RNF213: variants seen among roughly 807,000 people sequenced by gnomAD.
The protein encoded by RNF213 is ring finger protein 213.
Under a neutral mutation model 514.4 loss-of-function variants are expected in RNF213, and 341 were observed. The ratio of observed to expected loss-of-function variants is 0.66; its 90% CI spans 0.61 to 0.73. The LOEUF (loss-of-function observed/expected upper bound fraction) is 0.73. RNF213 is among the 30% of genes least tolerant of loss of function. RNF213 has a pLI of 0.00. For missense variants in RNF213, 5,767 were observed against 6,615.6 expected (o/e 0.87, Z 4.45); for synonymous variants, 2,655 against 2,658.2 (o/e 1.00, Z 0.04).
At position 80,353,134 on chromosome 17, in the gene RNF213, C is replaced by T; in HGVS notation, c.10423+75C>T. ...TGGCAGGTGTGGAGCGTGGCGTGCA[C>T]ATGGCACTAGGAGCAGGGCCACCGT... On this transcript the variant is annotated intron_variant, in intron 33 of 67. Transcript: ENST00000582970. The surrounding 1 kb of genome is among the most constrained non-coding windows in gnomAD (Gnocchi z 5.0). The T allele has an allele frequency of 6.3e-7, 1 of 1,589,228 alleles. No individual in the cohort carries two copies. Among genetic ancestry groups the T allele is most frequent in the Non-Finnish European group, 8.6e-7 (1 of 1,169,116 alleles).
intron 7 of RNF213, 90 bp downstream of exon 7, chr17:80,290,818 T>C: frequency 6.7e-7 from 1 of 1,491,430 alleles, no homozygotes. Flanking sequence ...ATTTTGTTTT[T>C]TTTTTTTCTG....
intron 17 of RNF213, chr17:80,319,678 G>A: frequency 6.9e-7 from 1 of 1,446,080 alleles, no homozygotes. Flanking sequence ...TGCGGGAAGA[G>A]ACTCCAAAGG....
Position 80,334,204 on chromosome 17 carries a change from T to C in RNF213, c.4243T>C (p.Cys1415Arg), listed in dbSNP as rs1170662208. The change falls in exon 22 of 68, where the codon TGC (cysteine) becomes CGC (arginine). Residue 1415 changes from cysteine (C) to arginine (R), a missense_variant. Physicochemically the swap from Cys to Arg is radical, Grantham distance 180. This residue lies in a region of RNF213 where 516 missense variants were observed against 566.5 expected (regional missense o/e 0.91). Transcript: ENST00000582970. Reference sequence around the variant, plus strand: ...GCTCCAGGACATCAGCGAGGCCCGGTGCAAGGGGCTGCAGGCTCTGTCCCT... The same window carrying C: ...GCTCCAGGACATCAGCGAGGCCCGGCGCAAGGGGCTGCAGGCTCTGTCCCT... ...KLLQDISEARCKGLQALSLRK... is the reference protein window; with the variant it reads ...KLLQDISEARRKGLQALSLRK... 1 of 1,537,226 alleles carries C rather than the reference T, an allele frequency of 6.5e-7. No homozygotes were observed. The highest frequency in any genetic ancestry group is 8.7e-7 in the Non-Finnish European group (1 of 1,146,894).
Position 80,332,040 on chromosome 17 carries a change from A to C in RNF213, c.3552A>C (p.Gln1184His), listed in dbSNP as rs1231512431. ...GAGTGCTTGCAGTAAGACACTCACA[A>C]GACCTCAGCAGTAAAAGATTAAATG... ...DFGVLAVRHS[Q>H]DLSSKRLNDT... Residue 1184 changes from glutamine (Q) to histidine (H), a missense_variant, in exon 21 of 68, where the codon CAA becomes CAC. By Grantham distance (24) the Gln-to-His change is conservative. Around this residue, in one of 13 missense-constraint regions of RNF213, gnomAD observed 516 missense variants for 566.5 expected, o/e 0.91. Transcript: ENST00000582970. The C allele has an allele frequency of 4.6e-6, 7 of 1,536,960 alleles. No homozygotes were observed.
chr17:80,372,829 T>G, intron 48 of RNF213, 95 bp downstream of exon 48: 1 of 1,395,738 alleles, frequency 7.2e-7, no homozygotes, highest in East Asian at 2.4e-5. Flanking sequence ...AATAGACTAC[T>G]ACTGGGCTTT....
chr17:80,368,272 A>C (rs1056550383), intron 44 of RNF213, 129 bp downstream of exon 44: 36 of 956,496 alleles, frequency 3.8e-5, no homozygotes, highest in Non-Finnish European at 5.9e-5. Context: ...GAACTATCAT[A>C]AGAGACGCCA....
At chr17:80,393,211 C>G in intron 67 of RNF213, 134 bp from the exon 68 acceptor site, 1 of 841,550 alleles carries the variant, frequency 1.2e-6, no homozygotes, top group South Asian at 1.4e-5. Context: ...GAACTCCTGA[C>G]CTCCACTGAC....
intron 3 of RNF213, among the ~76,000 whole-genome samples, chr17:80,276,608 AAGAG>A (rs756265571): frequency 8.9e-5 from 13 of 146,492 alleles, no homozygotes; most frequent in African/African-American, 2.9e-4. Flanking sequence ...TCCTTCCTCA[AAGAG>A]AGAGAGAGAG....
At chr17:80,361,971 G>A (rs1414758753) in intron 39 of RNF213, 83 bp downstream of exon 39, 4 of 1,466,392 alleles carry the variant, frequency 2.7e-6, no homozygotes, top group Non-Finnish European at 3.8e-6. Flanking sequence ...CGTTTCCTCA[G>A]CTGCCTGGAG....
In RNF213 at chr17:80,354,452, C is replaced by A. The variant is rs554959669; in HGVS notation, c.10738C>A (p.Arg3580=). The change falls in exon 36 of 68, where the codon CGG becomes AGG. Residue 3580 remains arginine, a synonymous_variant. Transcript: ENST00000582970. The part of the protein sequence containing the change: ...EDDACHASFL[R]VSKMRLSVFL... ...CTGCCTTTGTACAGCCTCTTTCTTG[C>A]GGGTATCCAAGATGCGCCTCAGTGT... 3 of 1,614,166 alleles carry A rather than the reference C, an allele frequency of 1.9e-6. No homozygotes were observed. Among genetic ancestry groups the A allele is most frequent in the Non-Finnish European group, 2.5e-6 (3 of 1,180,028 alleles).
intron 9 of RNF213, 115 bp downstream of exon 9, chr17:80,295,118 A>C: frequency 8.2e-7 from 1 of 1,224,590 alleles, no homozygotes; most frequent in Non-Finnish European, 1.2e-6. Context: ...AATGTGTAGA[A>C]CTTTCCAGCC....
At chr17:80,379,761 G>A in intron 55 of RNF213, 47 bp downstream of exon 55, 1 of 1,511,814 alleles carries the variant, frequency 6.6e-7, no homozygotes, top group Admixed American at 1.7e-5. Context: ...ACTTTGGGGT[G>A]TTGGGCTGTT....
Position 80,347,807 on chromosome 17 carries a change from TACAA to T in RNF213, c.9476_9479del (p.Lys3159ThrfsTer75). ...TGTCATTGAAGAGAAAGACGTCGTG[TACAA>T]ACACTTTCCCATCCCCCTCATTAAC... On this transcript the variant is annotated frameshift_variant, in exon 29 of 68. Transcript: ENST00000582970. LOFTEE classifies it high-confidence loss of function. This position sits in a 1 kb window ranked among gnomAD's most constrained non-coding sequence, Gnocchi z 7.2. The T allele has an allele frequency of 6.2e-7, 1 of 1,614,212 alleles. No homozygotes were observed. Among genetic ancestry groups the T allele is most frequent in the Non-Finnish European group, 8.5e-7 (1 of 1,180,044 alleles).
At chr17:80,337,011 G>A (rs986256982) in intron 23 of RNF213, 1 of 165,286 alleles carries the variant, frequency 6.1e-6, no homozygotes, top group Non-Finnish European at 1.3e-5. Flanking sequence ...CCAGCCTCCG[G>A]ACGGCTGCTC....
rs756849129 is a variant in RNF213, at chr17:80,273,317, AG to A, written c.179del (p.Gly60AlafsTer61). 6 of 1,613,562 alleles carry A rather than the reference AG, an allele frequency of 3.7e-6. No individual in the cohort carries two copies. The highest frequency in any genetic ancestry group is 5.1e-6 in the Non-Finnish European group (6 of 1,179,996). Reference protein sequence around the residue: ...MECGQELKEEGGPCLFPGSDS... With the variant: ...MECGQELKEEXGPCLFPGSDS... ...AGTGTGGGCAGGAGCTGAAGGAGGA[AG>A]GGGGCCCGTGCTTGTTCCCGGGCTC... On this transcript the variant is annotated frameshift_variant, in exon 3 of 68. Transcript: ENST00000582970. LOFTEE classifies it high-confidence loss of function.
At chr17:80,281,487 TACATAC>T (rs2044281397) in intron 3 of RNF213, among the ~76,000 whole-genome samples, 9 of 18,264 alleles carry the variant, frequency 4.9e-4, no homozygotes, top group South Asian at 4.4e-3. Flanking sequence ...CCCCCCAACA[TACATAC>T]ACCCCACTCA....
rs745558850 is a variant in RNF213, at chr17:80,381,728, G to A, written c.13978+1G>A. ...GAGCAGCACCAGCTCTCTAGCAGAA[G>A]TGAGGAAAGGGGCAAGGGCTGGGCG... is the stretch of plus-strand genomic sequence containing the variant. On this transcript the variant is annotated splice_donor_variant, in intron 57 of 67. Transcript: ENST00000582970. LOFTEE classifies it high-confidence loss of function. 1 of 1,612,900 alleles carries A rather than the reference G, an allele frequency of 6.2e-7. No homozygotes were observed. The highest frequency in any genetic ancestry group is 8.5e-7 in the Non-Finnish European group (1 of 1,179,804).
intron 36 of RNF213, among the ~76,000 whole-genome samples, chr17:80,357,333 TTCTG>T (rs1230555251): frequency 2.0e-5 from 3 of 150,754 alleles, no homozygotes; most frequent in East Asian, 1.9e-4. Context: ...CCAATTATCT[TTCTG>T]TCTGCCTATC....
chr17:80,299,033 G>T (rs2045074318), intron 11 of RNF213, among the ~76,000 whole-genome samples: 1 of 152,062 alleles, frequency 6.6e-6, no homozygotes, highest in Non-Finnish European at 1.5e-5. Context: ...AACCTCAGAG[G>T]CAGCCGTTGT....
Sources: gnomAD v4.1 joint callset for allele counts (sites outside exome capture counted in the v4.1 genomes callset) on GRCh38, gnomAD v4.1.1 for gene constraint, gnomAD v4.1.1 regional missense constraint, Gnocchi (gnomAD v3.1) non-coding constraint, MANE v1.5 for transcripts, NCBI Gene and HGNC (gene_info 2026-07-23, HGNC 2026-07-21) for gene names.